Variants in RBPJ observed in about 807,000 individuals in gnomAD.
The protein encoded by RBPJ is recombining binding protein suppressor of hairless.
RBPJ carries 9 observed loss-of-function variants against 67.8 expected under a neutral mutation model. The observed-to-expected ratio is 0.13, with a 90% CI of 0.08 to 0.23. The LOEUF is 0.23. Ranked by LOEUF, RBPJ falls within the 10% of genes least tolerant of loss-of-function variation. RBPJ has a pLI of 1.00. For missense variants in RBPJ, 305 were observed against 595.6 expected (o/e 0.51, Z 5.08); for synonymous variants, 198 against 203.3 (o/e 0.97, Z 0.22).
At position 26,311,532 on chromosome 4, in the gene RBPJ, C is replaced by T. The variant is rs547174048; in HGVS notation, c.-166-50914C>T. Among the ~76,000 whole-genome samples the T allele has an allele frequency of 6.0e-5, 9 of 149,680 alleles. No individual in the cohort carries two copies. The East Asian group carries it at 7.8e-4, about 13-fold the overall frequency. ...CCAGCCTGGGTGAGAGAGAGAGACT[C>T]GGTCTCAAAAAAAAAAAAAAGTGTC... On this transcript the variant is annotated intron_variant, in intron 1 of 4. Coordinates refer to the RBPJ transcript ENST00000512351.
Position 26,393,594 on chromosome 4 carries a change from T to C in RBPJ, c.59+7203T>C, listed in dbSNP as rs146899116. ...TTCCCCATATGGCCCAGGCTAGTCT[T>C]GAACTCCTAAGCTCAAGTGATCCGC... On this transcript the variant is annotated intron_variant, in intron 2 of 10. Coordinates refer to ENST00000355476, the MANE Select transcript of RBPJ (RefSeq NM_015874.6). Among the ~76,000 whole-genome samples, 170 of 151,790 alleles carry C rather than the reference T, an allele frequency of 1.1e-3. 1 individual carries two copies. Among genetic ancestry groups the C allele is most frequent in the African/African-American group, 4.1e-3 (169 of 41,386 alleles).
the RBPJ span, among the ~76,000 whole-genome samples, chr4:26,135,737 A>C: frequency 6.6e-6 from 1 of 152,204 alleles, no homozygotes; most frequent in South Asian, 2.1e-4. Flanking sequence ...CTTGTTGACC[A>C]TCACGCGCTG....
At chr4:26,339,794 C>T (rs2725311) in intron 1 of RBPJ, among the ~76,000 whole-genome samples, 1,613 of 152,174 alleles carry the variant, frequency 0.011, 15 homozygotes, top group Non-Finnish European at 0.016. Context: ...CCAAGGTGGG[C>T]GGATCACCTG....
At chr4:26,308,109 T>C (rs896143293) in intron 1 of RBPJ, among the ~76,000 whole-genome samples, 2 of 152,154 alleles carry the variant, frequency 1.3e-5, no homozygotes, top group East Asian at 1.9e-4. Context: ...ACCCCGTCTC[T>C]ACTAAAAATA....
intron 1 of RBPJ, among the ~76,000 whole-genome samples, chr4:26,194,948 T>C (rs1717698191): frequency 6.6e-6 from 1 of 152,234 alleles, no homozygotes; most frequent in Non-Finnish European, 1.5e-5. Flanking sequence ...GGTTCCTGTA[T>C]GGTGATGAGC....
At chr4:26,246,973 CTTT>C (rs56160527) in intron 1 of RBPJ, among the ~76,000 whole-genome samples, 3 of 121,948 alleles carry the variant, frequency 2.5e-5, no homozygotes. Flanking sequence ...ACATAATACG[CTTT>C]TTTTTTTTTT....
At chr4:26,154,078 C>T in the RBPJ span, among the ~76,000 whole-genome samples, 3 of 152,312 alleles carry the variant, frequency 2.0e-5, no homozygotes, top group East Asian at 5.8e-4. Flanking sequence ...TAAGAACTCC[C>T]GCTCAGCTGC....
intron 2 of RBPJ, among the ~76,000 whole-genome samples, chr4:26,401,010 G>A (rs1311841458): frequency 6.6e-6 from 1 of 152,220 alleles, no homozygotes; most frequent in Non-Finnish European, 1.5e-5. Flanking sequence ...TCATTTTCAA[G>A]TTTGCTCTCA....
At chr4:26,165,822 CATCATTT>C (rs1366692530) in intron 1 of RBPJ, among the ~76,000 whole-genome samples, 3 of 150,330 alleles carry the variant, frequency 2.0e-5, no homozygotes, top group Admixed American at 1.3e-4. Context: ...CCCATTAACT[CATCATTT>C]AGCATTAGGT....
At chr4:26,227,050 GTC>G (rs1719099040) in intron 1 of RBPJ, among the ~76,000 whole-genome samples, 1 of 152,142 alleles carries the variant, frequency 6.6e-6, no homozygotes, top group South Asian at 2.1e-4. Flanking sequence ...TTGGTCATTT[GTC>G]TCTGTCTCAA....
At chr4:26,280,224 A>G (rs887281151) in intron 1 of RBPJ, among the ~76,000 whole-genome samples, 1 of 151,778 alleles carries the variant, frequency 6.6e-6, no homozygotes, top group African/African-American at 2.4e-5. Context: ...GCGAAACCCC[A>G]ACTCTACTAA....
intron 1 of RBPJ, among the ~76,000 whole-genome samples, chr4:26,170,768 T>C (rs530406801): frequency 1.1e-3 from 160 of 152,356 alleles, no homozygotes; most frequent in African/African-American, 3.7e-3. Context: ...AATGCATATT[T>C]AAGCAATAGG....
At chr4:26,286,622 A>G (rs905374411) in intron 1 of RBPJ, among the ~76,000 whole-genome samples, 2 of 151,952 alleles carry the variant, frequency 1.3e-5, no homozygotes, top group Non-Finnish European at 2.9e-5. Flanking sequence ...TCCCATTCTT[A>G]CCAGATTGGG....
chr4:26,299,879 C>T (rs750071817), intron 1 of RBPJ, among the ~76,000 whole-genome samples: 3 of 151,584 alleles, frequency 2.0e-5, no homozygotes, highest in Non-Finnish European at 2.9e-5. Flanking sequence ...TTAGTAGAGA[C>T]GGAGATTCAC....
chr4:26,416,259 C>G (rs1393961086), intron 4 of RBPJ, among the ~76,000 whole-genome samples: 1 of 151,548 alleles, frequency 6.6e-6, no homozygotes, highest in Non-Finnish European at 1.5e-5. Context: ...CAATCTAGAT[C>G]TTTTTTTTTC....
intron 1 of RBPJ, among the ~76,000 whole-genome samples, chr4:26,376,163 G>T (rs2109576793): frequency 6.6e-6 from 1 of 152,190 alleles, no homozygotes; most frequent in South Asian, 2.1e-4. Context: ...TTTTAAGTTT[G>T]CAGTCCAGTG....
At chr4:26,377,395 T>C (rs1361124409) in intron 1 of RBPJ, among the ~76,000 whole-genome samples, 1 of 152,176 alleles carries the variant, frequency 6.6e-6, no homozygotes, top group East Asian at 1.9e-4. Flanking sequence ...AAGTGACACT[T>C]TTCAGGTCTT....
chr4:26,319,853 G>GA (rs774725058), upstream of RBPJ: 2 of 1,592,344 alleles, frequency 1.3e-6, no homozygotes, highest in Non-Finnish European at 1.7e-6. Context: ...TCTAGGAAAG[G>GA]AAAGAGCAAA....
intron 1 of RBPJ, among the ~76,000 whole-genome samples, chr4:26,249,154 A>G (rs772046462): frequency 8.5e-4 from 129 of 152,350 alleles, no homozygotes; most frequent in Middle Eastern, 3.4e-3. Flanking sequence ...CGAAAGCAAA[A>G]GCGGGCAAAG....
Sources: allele counts gnomAD v4.1 joint callset (sites outside exome capture counted in the v4.1 genomes callset), GRCh38; gene constraint gnomAD v4.1.1; transcripts MANE v1.5; gene names NCBI Gene and HGNC (gene_info 2026-07-23, HGNC 2026-07-21).